ZNF804A: variants seen among roughly 807,000 people sequenced by gnomAD.
The protein encoded by ZNF804A is zinc finger protein 804A.
A neutral mutation model predicts 16.5 loss-of-function variants in ZNF804A; 2 were observed. The ratio of observed to expected loss-of-function variants is 0.12; its 90% CI spans 0.05 to 0.38. The LOEUF is 0.38. Ranked by LOEUF, ZNF804A falls within the 10% of genes least tolerant of loss-of-function variation. The pLI is 0.99. For missense variants in ZNF804A, 1,473 were observed against 1,390.7 expected, an observed-to-expected ratio of 1.06 and a Z score of -0.94; for synonymous variants, 534 against 489.6, an observed-to-expected ratio of 1.09 and a Z score of -1.20.
chr2:184,760,364 A>G (rs73978096), intron 1 of ZNF804A, among the ~76,000 whole-genome samples: 21,844 of 152,136 alleles, frequency 0.14, 1,708 homozygotes, highest in Middle Eastern at 0.24. Context: ...TGACATATAT[A>G]ATTATTTTTT....
At chr2:184,664,663 C>CAAA (rs1692229012) in intron 1 of ZNF804A, among the ~76,000 whole-genome samples, 1 of 152,120 alleles carries the variant, frequency 6.6e-6, no homozygotes, top group East Asian at 1.9e-4. Context: ...TTAGCTGCAT[C>CAAA]ATGCAGAGAA....
intron 1 of ZNF804A, among the ~76,000 whole-genome samples, chr2:184,812,608 G>A (rs1040298776): frequency 6.6e-6 from 1 of 152,082 alleles, no homozygotes; most frequent in African/African-American, 2.4e-5. Context: ...GAAAAAAGGG[G>A]ACAAAATTCC....
chr2:184,736,160 T>C (rs1693607929), intron 1 of ZNF804A, among the ~76,000 whole-genome samples: 1 of 152,140 alleles, frequency 6.6e-6, no homozygotes, highest in African/African-American at 2.4e-5. Flanking sequence ...CACCTTAAGT[T>C]CTTTATTGAT....
At chr2:184,925,616 T>C (rs1227753521) in intron 2 of ZNF804A, among the ~76,000 whole-genome samples, 1 of 152,010 alleles carries the variant, frequency 6.6e-6, no homozygotes, top group African/African-American at 2.4e-5. Flanking sequence ...GTCTTCTCTT[T>C]CTTCTTTCTT....
At chr2:184,692,125 G>C (rs577308763) in intron 1 of ZNF804A, among the ~76,000 whole-genome samples, 1 of 152,252 alleles carries the variant, frequency 6.6e-6, no homozygotes, top group East Asian at 1.9e-4. Context: ...GACAGCAGTT[G>C]TTCAACAATA....
At chr2:184,868,309 C>G (rs986316979) in intron 2 of ZNF804A, among the ~76,000 whole-genome samples, 18 of 152,092 alleles carry the variant, frequency 1.2e-4, no homozygotes, top group African/African-American at 4.3e-4. Flanking sequence ...GATAATAGTG[C>G]GTCTTTGAGC....
intron 1 of ZNF804A, among the ~76,000 whole-genome samples, chr2:184,735,239 T>A (rs1693588496): frequency 6.6e-6 from 1 of 152,188 alleles, no homozygotes; most frequent in South Asian, 2.1e-4. Flanking sequence ...TTTCCTTTTC[T>A]TTCTTACATA....
At chr2:184,864,800 A>C (rs1695849867) in intron 1 of ZNF804A, among the ~76,000 whole-genome samples, 1 of 152,008 alleles carries the variant, frequency 6.6e-6, no homozygotes, top group Admixed American at 6.6e-5. Flanking sequence ...ATAGAGGACT[A>C]CATTTTATTT....
At chr2:184,740,771 G>A (rs561298433) in intron 1 of ZNF804A, among the ~76,000 whole-genome samples, 2 of 151,952 alleles carry the variant, frequency 1.3e-5, no homozygotes, top group African/African-American at 4.8e-5. Context: ...TCGATATGGG[G>A]GATTTCAACC....
In ZNF804A at chr2:184,753,622, G is replaced by A. The variant is rs566677551; in HGVS notation, c.112-112747G>A. Among the ~76,000 whole-genome samples the A allele has an allele frequency of 2.6e-5, 4 of 151,872 alleles. No homozygotes were observed. The East Asian group carries it at 7.8e-4, about 30-fold the overall frequency. On this transcript the variant is annotated intron_variant, in intron 1 of 3. Transcript: ENST00000302277. ...TCCTAACATTCTAGTGTTACCTGTA[G>A]CAGTAAAAATGTGTTGTGGATTATT...
In ZNF804A at chr2:184,825,311, T is replaced by C. The variant is rs374539507; in HGVS notation, c.112-41058T>C. Among the ~76,000 whole-genome samples the C allele has an allele frequency of 1.6e-4, 24 of 152,274 alleles. No individual in the cohort carries two copies. In the East Asian group the frequency reaches 4.4e-3, roughly 28 times the overall value. On this transcript the variant is annotated intron_variant, in intron 1 of 3. Transcript: ENST00000302277. ...TAAACTATTTAAAATGGTTAAAATGTTAGTAGTACAGATAAGTTTATATAT... is the reference window on the plus strand; with the variant it reads ...TAAACTATTTAAAATGGTTAAAATGCTAGTAGTACAGATAAGTTTATATAT...
intron 1 of ZNF804A, among the ~76,000 whole-genome samples, chr2:184,793,943 C>A (rs1477012222): frequency 6.6e-6 from 1 of 152,126 alleles, no homozygotes; most frequent in Admixed American, 6.6e-5. Context: ...CATATACATA[C>A]ACCACAGTTT....
intron 1 of ZNF804A, among the ~76,000 whole-genome samples, chr2:184,739,172 A>G (rs931098991): frequency 6.6e-6 from 1 of 152,186 alleles, no homozygotes; most frequent in African/African-American, 2.4e-5. Context: ...TATATTAATT[A>G]TATTAGGTTA....
At chr2:184,856,902 A>G (rs1318162032) in intron 1 of ZNF804A, among the ~76,000 whole-genome samples, 1 of 152,074 alleles carries the variant, frequency 6.6e-6, no homozygotes, top group Non-Finnish European at 1.5e-5. Flanking sequence ...GATAAGGGAT[A>G]CTCAACCAGT....
At position 184,936,826 on chromosome 2, in the gene ZNF804A, A is replaced by G. The variant is rs747336778; in HGVS notation, c.1430A>G (p.Lys477Arg). 1.2e-6 allele frequency: 2 copies of G among 1,613,040 alleles called. No individual in the cohort carries two copies. Among genetic ancestry groups the G allele is most frequent in the Admixed American group, 3.3e-5 (2 of 59,754 alleles). ...TKVNNNLDKN[K>R]PDLKDLCSQQ... ...GTAAATAATAATCTAGATAAAAATA[A>G]GCCAGACTTAAAAGATCTTTGTTCT... Residue 477 changes from lysine to arginine, a missense_variant, in exon 4 of 4, where the codon AAG becomes AGG. Physicochemically the swap from Lys to Arg is conservative, Grantham distance 26. Coordinates refer to ENST00000302277, the MANE Select transcript of ZNF804A (RefSeq NM_194250.2).
At chr2:184,757,791 AG>A (rs1488181634) in intron 1 of ZNF804A, among the ~76,000 whole-genome samples, 2 of 151,836 alleles carry the variant, frequency 1.3e-5, no homozygotes, top group African/African-American at 4.8e-5. Context: ...GATTATGTGT[AG>A]GGGTGTGAAA....
In ZNF804A at chr2:184,936,590, A is replaced by T. The variant is rs746179906; in HGVS notation, c.1194A>T (p.Thr398=). ...TTGAAAATAAAAATGGTCCCGAGAC[A>T]TTGGCCCCTTCAAATACTGAAGAGG... ...TEVENKNGPE[T]LAPSNTEEVN... Residue 398 remains threonine (T), a synonymous_variant, in exon 4 of 4, where the codon ACA becomes ACT. Coordinates refer to ENST00000302277, the MANE Select transcript of ZNF804A (RefSeq NM_194250.2). 2 of 1,614,064 alleles carry T rather than the reference A, an allele frequency of 1.2e-6. No homozygotes were observed. The highest frequency in any genetic ancestry group is 2.2e-5 in the East Asian group (1 of 44,854).
intron 1 of ZNF804A, among the ~76,000 whole-genome samples, chr2:184,660,972 C>T (rs1029470873): frequency 3.9e-5 from 6 of 152,164 alleles, no homozygotes; most frequent in African/African-American, 7.2e-5. Flanking sequence ...TGAACAGTGT[C>T]TTGTGCAATG....
chr2:184,842,400 A>G (rs1695451647), intron 1 of ZNF804A, among the ~76,000 whole-genome samples: 1 of 152,164 alleles, frequency 6.6e-6, no homozygotes. Context: ...CTACAGTGTC[A>G]TGCTTGCTTT....
Sources: gnomAD v4.1 joint callset for allele counts (sites outside exome capture counted in the v4.1 genomes callset) on GRCh38, gnomAD v4.1.1 for gene constraint, MANE v1.5 for transcripts, NCBI Gene and HGNC (gene_info 2026-07-23, HGNC 2026-07-21) for gene names.